GRM8: variants seen among roughly 807,000 people sequenced by gnomAD.
GRM8 encodes the protein glutamate metabotropic receptor 8, also known as metabotropic glutamate receptor 8.
GRM8 carries 47 observed loss-of-function variants against 87.2 expected under a neutral mutation model. The ratio of observed to expected loss-of-function variants is 0.54; its 90% CI spans 0.43 to 0.69. GRM8 has a LOEUF of 0.69. Ranked by LOEUF, GRM8 falls within the 30% of genes least tolerant of loss-of-function variation. The probability of loss-of-function intolerance (pLI) is 0.00; values close to 1 mark genes in which losing one functional copy is unlikely to be tolerated. For missense variants in GRM8, 1,019 were observed against 1,139.2 expected, an observed-to-expected ratio of 0.89 and a Z score of 1.52; for synonymous variants, 396 against 404.5, an observed-to-expected ratio of 0.98 and a Z score of 0.25.
At chr7:127,106,111 T>A (rs1479265731) in intron 3 of GRM8, among the ~76,000 whole-genome samples, 1 of 152,268 alleles carries the variant, frequency 6.6e-6, no homozygotes, top group South Asian at 2.1e-4. Flanking sequence ...TAGTGTTGGA[T>A]GTTAAATTCC....
chr7:127,027,734 G>A (rs1816930623), intron 3 of GRM8, among the ~76,000 whole-genome samples: 2 of 152,214 alleles, frequency 1.3e-5, no homozygotes, highest in African/African-American at 4.8e-5. Flanking sequence ...ATTTTGGGCT[G>A]AGACTATGGG....
At chr7:126,496,964 T>C (rs1246706192) in intron 9 of GRM8, among the ~76,000 whole-genome samples, 3 of 115,304 alleles carry the variant, frequency 2.6e-5, no homozygotes, top group East Asian at 2.6e-4. Flanking sequence ...AGAGAATGAG[T>C]TTTGGATTTT....
At chr7:127,207,037 C>A (rs1795953845) in intron 2 of GRM8, among the ~76,000 whole-genome samples, 1 of 152,104 alleles carries the variant, frequency 6.6e-6, no homozygotes, top group South Asian at 2.1e-4. Flanking sequence ...AAAATAAGAC[C>A]CAGCAATGAT....
chr7:126,592,826 C>A (rs974613589), intron 8 of GRM8, among the ~76,000 whole-genome samples: 50 of 151,674 alleles, frequency 3.3e-4, no homozygotes, highest in African/African-American at 1.2e-3. Flanking sequence ...CAAGAGAAAG[C>A]AAATGAATCT....
At chr7:127,244,304 T>G (rs17862331) in intron 1 of GRM8, among the ~76,000 whole-genome samples, 43,767 of 152,116 alleles carry the variant, frequency 0.29, 7,101 homozygotes, top group Middle Eastern at 0.41. Flanking sequence ...ATCAGAGTTG[T>G]CAATCAATTG....
chr7:126,819,485 T>C (rs1430555183), intron 6 of GRM8, among the ~76,000 whole-genome samples: 1 of 152,202 alleles, frequency 6.6e-6, no homozygotes, highest in Non-Finnish European at 1.5e-5. Flanking sequence ...GAAGTAATCG[T>C]GTCTTAGTCT....
At chr7:126,852,321 C>T (rs1797287788) in intron 6 of GRM8, among the ~76,000 whole-genome samples, 1 of 152,134 alleles carries the variant, frequency 6.6e-6, no homozygotes, top group African/African-American at 2.4e-5. Flanking sequence ...TGTTGTTTTT[C>T]CTTTCTTAGA....
At position 126,986,762 on chromosome 7, in the gene GRM8, C is replaced by T. The variant is rs543577556; in HGVS notation, c.728-82079G>A. 1.6e-4 allele frequency among the ~76,000 whole-genome samples: 24 copies of T among 152,284 alleles called. No homozygotes were observed. In the South Asian group the frequency reaches 4.3e-3, roughly 28 times the overall value. On this transcript the variant is annotated intron_variant, in intron 3 of 10. Transcript: ENST00000339582. ...AGGCCACTAGAATTACCTCCATTGA[C>T]TTAGAAAAGTACAGAAGACATAAGT...
At chr7:126,995,044 A>G (rs1228679642) in intron 3 of GRM8, among the ~76,000 whole-genome samples, 1 of 152,232 alleles carries the variant, frequency 6.6e-6, no homozygotes, top group Non-Finnish European at 1.5e-5. Flanking sequence ...GGTTCAGCAC[A>G]GCAAGAAAGA....
chr7:126,530,207 G>A (rs1484670349), intron 9 of GRM8, among the ~76,000 whole-genome samples: 1 of 152,184 alleles, frequency 6.6e-6, no homozygotes, highest in Non-Finnish European at 1.5e-5. Context: ...CTTGCTTCTT[G>A]TAATTTCAGA....
chr7:127,137,799 T>C (rs1333504327), intron 2 of GRM8, among the ~76,000 whole-genome samples: 1 of 152,156 alleles, frequency 6.6e-6, no homozygotes, highest in Non-Finnish European at 1.5e-5. Context: ...TATTTCTGGG[T>C]AAAAAGTTAA....
chr7:127,021,643 T>G (rs764600440), intron 3 of GRM8, among the ~76,000 whole-genome samples: 3 of 152,046 alleles, frequency 2.0e-5, no homozygotes, highest in African/African-American at 7.2e-5. Flanking sequence ...TAGACTTTAT[T>G]CAGAAAAAGA....
chr7:126,978,357 C>T (rs944972130), intron 3 of GRM8, among the ~76,000 whole-genome samples: 6 of 152,102 alleles, frequency 3.9e-5, no homozygotes, highest in African/African-American at 1.2e-4. Flanking sequence ...TCAAGCATGA[C>T]CTGAGATGTA....
rs574192098 is a variant in GRM8, at chr7:126,571,796, A to C, written c.1494+37566T>G. 2.1e-4 allele frequency among the ~76,000 whole-genome samples: 31 copies of C among 150,784 alleles called. 1 individual carries two copies. Among genetic ancestry groups the C allele is most frequent in the Middle Eastern group, 6.8e-3 (2 of 292 alleles). On this transcript the variant is annotated intron_variant, in intron 8 of 10. Coordinates refer to ENST00000339582, the MANE Select transcript of GRM8 (RefSeq NM_000845.3). The stretch of plus-strand genomic sequence containing the variant: ...CACCCTGTCACCCAGGCTGGAATGC[A>C]ATGGCATGATCTCGGCTCACTGCAA...
Position 126,465,685 on chromosome 7 carries a change from T to C in GRM8, c.2431-19313A>G, listed in dbSNP as rs554747493. Among the ~76,000 whole-genome samples the C allele has an allele frequency of 8.6e-5, 13 of 152,022 alleles. No individual in the cohort carries two copies. In the East Asian group the frequency reaches 2.3e-3, roughly 27 times the overall value. On this transcript the variant is annotated intron_variant, in intron 9 of 10. Coordinates refer to ENST00000339582, the MANE Select transcript of GRM8 (RefSeq NM_000845.3). The stretch of plus-strand genomic sequence containing the variant: ...ATATTCAGTGAACTTCTTAAACTTA[T>C]TGATTCTAATAGTTTATCTGTAATT...
At chr7:126,697,966 A>G (rs545021673) in intron 7 of GRM8, among the ~76,000 whole-genome samples, 1 of 152,290 alleles carries the variant, frequency 6.6e-6, no homozygotes, top group South Asian at 2.1e-4. Flanking sequence ...TATTTACTAA[A>G]AAGTTGAGAA....
intron 7 of GRM8, among the ~76,000 whole-genome samples, chr7:126,677,147 T>A (rs538514297): frequency 6.6e-6 from 1 of 151,994 alleles, no homozygotes; most frequent in Non-Finnish European, 1.5e-5. Flanking sequence ...AAAACCACAA[T>A]GAGATACCAC....
At chr7:126,813,737 G>T (rs986477639) in intron 6 of GRM8, among the ~76,000 whole-genome samples, 2 of 152,004 alleles carry the variant, frequency 1.3e-5, no homozygotes, top group African/African-American at 4.8e-5. Context: ...CCTATTTTCA[G>T]GATCGGTTGA....
intron 2 of GRM8, among the ~76,000 whole-genome samples, chr7:127,137,260 A>G (rs1191990926): frequency 1.3e-5 from 2 of 152,036 alleles, no homozygotes; most frequent in Non-Finnish European, 2.9e-5. Context: ...TCAGGTCATT[A>G]GCACAATGCC....
Sources: allele counts gnomAD v4.1 joint callset (sites outside exome capture counted in the v4.1 genomes callset), GRCh38; gene constraint gnomAD v4.1.1; transcripts MANE v1.5; gene names NCBI Gene and HGNC (gene_info 2026-07-23, HGNC 2026-07-21).